Variants in ANKS1B observed in about 807,000 individuals in gnomAD.
The protein encoded by ANKS1B is ankyrin repeat and sterile alpha motif domain-containing protein 1B.
Under a neutral mutation model 148.3 loss-of-function variants are expected in ANKS1B, and 36 were observed. That is an observed-to-expected ratio of 0.24 (90% CI 0.19 to 0.32). The LOEUF (loss-of-function observed/expected upper bound fraction) is 0.32, where lower values mean the gene tolerates loss of function less well. ANKS1B is among the 10% of genes least tolerant of loss of function. The pLI, the probability that ANKS1B is intolerant of heterozygous loss-of-function variation, is 1.00. For missense variants in ANKS1B, 1,157 were observed against 1,542.6 expected, an observed-to-expected ratio of 0.75 and a Z score of 4.19; for synonymous variants, 542 against 560.8, an observed-to-expected ratio of 0.97 and a Z score of 0.47.
At chr12:98,804,418 T>C (rs2153603615) in intron 20 of ANKS1B, among the ~76,000 whole-genome samples, 1 of 108,096 alleles carries the variant, frequency 9.3e-6, no homozygotes, top group East Asian at 5.8e-4. Context: ...CACCCCTGCC[T>C]ATTTTTTTTT....
At chr12:99,980,156 G>GAA (rs879875088) in intron 1 of ANKS1B, among the ~76,000 whole-genome samples, 3 of 145,084 alleles carry the variant, frequency 2.1e-5, no homozygotes, top group African/African-American at 7.5e-5. Flanking sequence ...ACAGGTCATT[G>GAA]AAAAAAAAAA....
At chr12:99,299,448 A>C (rs2081320725) in intron 12 of ANKS1B, among the ~76,000 whole-genome samples, 1 of 152,220 alleles carries the variant, frequency 6.6e-6, no homozygotes, top group South Asian at 2.1e-4. Flanking sequence ...CATACTTTTC[A>C]TAGCAAACCT....
Position 99,313,151 on chromosome 12 carries a change from GC to G in ANKS1B, c.1757-66288del, listed in dbSNP as rs527322814. Among the ~76,000 whole-genome samples, 528 of 152,240 alleles carry G rather than the reference GC, an allele frequency of 3.5e-3. 1 individual carries two copies. The highest frequency in any genetic ancestry group is 0.011 in the African/African-American group (471 of 41,546). ...CAGAGAATGTTATAAACAACTATAT[GC>G]AAATAAACTAGAAAATCTAGAAGAA... On this transcript the variant is annotated intron_variant, in intron 12 of 26. Transcript: ENST00000683438.
chr12:99,803,092 C>G (rs886866774), intron 4 of ANKS1B, among the ~76,000 whole-genome samples: 11 of 151,960 alleles, frequency 7.2e-5, no homozygotes, highest in African/African-American at 2.4e-4. Context: ...TAATTCCCAA[C>G]AGGTTAGCTA....
At chr12:99,400,131 C>CCT (rs10681622) in intron 11 of ANKS1B, among the ~76,000 whole-genome samples, 13,876 of 151,594 alleles carry the variant, frequency 0.092, 1,999 homozygotes, top group African/African-American at 0.3. Context: ...TTTTAAGTCA[C>CCT]CTTTCATTCA....
intron 15 of ANKS1B, among the ~76,000 whole-genome samples, chr12:99,135,825 G>A (rs573910843): frequency 6.6e-6 from 1 of 152,184 alleles, no homozygotes; most frequent in Non-Finnish European, 1.5e-5. Context: ...TTCAATGGAG[G>A]ACTGCAATGA....
chr12:98,816,492 C>T (rs938085282), intron 19 of ANKS1B, among the ~76,000 whole-genome samples: 5 of 152,086 alleles, frequency 3.3e-5, no homozygotes, highest in African/African-American at 9.7e-5. Flanking sequence ...GACGGGGTTT[C>T]GCCATGTTGG....
intron 9 of ANKS1B, among the ~76,000 whole-genome samples, chr12:99,627,821 G>A (rs942204257): frequency 7.2e-5 from 11 of 152,086 alleles, no homozygotes; most frequent in Admixed American, 6.6e-4. Flanking sequence ...AGAGAAAGGG[G>A]GTTATTTCTG....
intron 15 of ANKS1B, chr12:99,104,451 AG>A (rs1432566061): frequency 6.6e-6 from 1 of 152,212 alleles, no homozygotes; most frequent in Non-Finnish European, 1.5e-5. Flanking sequence ...TTCACCACTT[AG>A]GATCCTCTAG....
rs184921957 is a variant in ANKS1B, at chr12:98,761,004, C to T, written c.3580-9482G>A. ...TACATCCTAGGGACGAGGCTAAGTGCCTTCTGTGGATTGTCTACCCCTTAC... is the reference window on the plus strand; with the variant it reads ...TACATCCTAGGGACGAGGCTAAGTGTCTTCTGTGGATTGTCTACCCCTTAC... On this transcript the variant is annotated intron_variant, in intron 25 of 26. Coordinates refer to ENST00000683438, the MANE Select transcript of ANKS1B (RefSeq NM_001352186.2). Among the ~76,000 whole-genome samples, 45 of 152,286 alleles carry T rather than the reference C, an allele frequency of 3.0e-4. No individual in the cohort carries two copies. The East Asian group carries it at 3.1e-3, about 10-fold the overall frequency.
At position 99,772,902 on chromosome 12, in the gene ANKS1B, T is replaced by C. The variant is rs774068644; in HGVS notation, c.1128+20A>G. ...GGCAAAGACAGACACATTATCTTCA[T>C]TCCCCCCCGCCTTACTTACTACACT... On this transcript the variant is annotated intron_variant, in intron 8 of 26. Coordinates refer to ENST00000683438, the MANE Select transcript of ANKS1B (RefSeq NM_001352186.2). 4 of 1,601,496 alleles carry C rather than the reference T, an allele frequency of 2.5e-6. No homozygotes were observed. Among genetic ancestry groups the C allele is most frequent in the Middle Eastern group, 1.7e-4 (1 of 6,006 alleles).
chr12:99,690,991 T>C (rs555021162), intron 8 of ANKS1B, among the ~76,000 whole-genome samples: 2 of 152,222 alleles, frequency 1.3e-5, no homozygotes, highest in Non-Finnish European at 2.9e-5. Flanking sequence ...CTGAAATCTA[T>C]GCAGAGATTC....
chr12:99,034,222 C>T (rs2099954087), intron 17 of ANKS1B, among the ~76,000 whole-genome samples: 2 of 152,174 alleles, frequency 1.3e-5, no homozygotes, highest in Non-Finnish European at 2.9e-5. Context: ...TCAGGAAGGC[C>T]CTGCATGCAA....
At chr12:99,738,166 T>C (rs1347298442) in intron 8 of ANKS1B, among the ~76,000 whole-genome samples, 3 of 152,314 alleles carry the variant, frequency 2.0e-5, no homozygotes, top group South Asian at 2.1e-4. Flanking sequence ...AGGTAGAAAG[T>C]ACTGAAGCAG....
intron 14 of ANKS1B, among the ~76,000 whole-genome samples, chr12:99,177,380 C>T (rs2078530315): frequency 1.3e-5 from 2 of 152,026 alleles, no homozygotes; most frequent in African/African-American, 4.8e-5. Flanking sequence ...GGAGGATGAG[C>T]AGAACAGTTG....
chr12:99,787,292 A>G lies in ANKS1B; in HGVS notation c.670-5195T>C, dbSNP rs542892659. On this transcript the variant is annotated intron_variant, in intron 4 of 26. Transcript: ENST00000683438. ...TGATAGTGAGTTCTCACAAGATCTAATGGTTTTATAAGGAGCTTTTCCTCC... is the reference window on the plus strand; with the variant it reads ...TGATAGTGAGTTCTCACAAGATCTAGTGGTTTTATAAGGAGCTTTTCCTCC... Among the ~76,000 whole-genome samples, 44 of 152,186 alleles carry G rather than the reference A, an allele frequency of 2.9e-4. No individual in the cohort carries two copies. The East Asian group carries it at 7.4e-3, about 25-fold the overall frequency.
chr12:99,932,145 C>T (rs1443564837), intron 1 of ANKS1B, among the ~76,000 whole-genome samples: 1 of 152,144 alleles, frequency 6.6e-6, no homozygotes, highest in Admixed American at 6.5e-5. Flanking sequence ...GTATACGTGA[C>T]ACATTTTCTT....
intron 17 of ANKS1B, among the ~76,000 whole-genome samples, chr12:98,907,983 T>C (rs1224088587): frequency 6.6e-6 from 1 of 152,198 alleles, no homozygotes; most frequent in South Asian, 2.1e-4. Context: ...TAAACCTCTT[T>C]TTCTTTATAA....
chr12:99,159,529 G>T (rs1176640391), intron 14 of ANKS1B, among the ~76,000 whole-genome samples: 2 of 152,102 alleles, frequency 1.3e-5, no homozygotes, highest in Non-Finnish European at 2.9e-5. Flanking sequence ...GTCTCCAGCT[G>T]CATCTATGTT....
Sources: gnomAD v4.1 joint callset for allele counts (sites outside exome capture counted in the v4.1 genomes callset) on GRCh38, gnomAD v4.1.1 for gene constraint, MANE v1.5 for transcripts, NCBI Gene and HGNC (gene_info 2026-07-23, HGNC 2026-07-21) for gene names.